The following MEDAG variants were observed in gnomAD, a reference collection of about 807,000 sequenced individuals.
MEDAG encodes the protein mesenteric estrogen-dependent adipogenesis protein.
In MEDAG, 25 loss-of-function variants were observed where a neutral mutation model predicts 29.9. That is an observed-to-expected ratio of 0.84 (90% CI 0.61 to 1.17). The LOEUF is 1.17. Among genes scored for constraint, MEDAG ranks in the 50% most tolerant of loss-of-function variants. MEDAG has a pLI of 0.00. For synonymous variants in MEDAG, 158 were observed against 148.2 expected, an observed-to-expected ratio of 1.07 and a Z score of -0.48; for missense variants, 398 against 372.9, an observed-to-expected ratio of 1.07 and a Z score of -0.56.
chr13:30,914,584 A>C (rs769574681), intron 1 of MEDAG, among the ~76,000 whole-genome samples: 2 of 152,226 alleles, frequency 1.3e-5, no homozygotes, highest in African/African-American at 2.4e-5. Context: ...GCTCATGTGT[A>C]GGTCATACAT....
At chr13:30,907,859 A>G (rs1249081427) in intron 1 of MEDAG, among the ~76,000 whole-genome samples, 1 of 152,184 alleles carries the variant, frequency 6.6e-6, no homozygotes, top group African/African-American at 2.4e-5. Context: ...AGTCTTCAAA[A>G]CTCTTGGAGA....
chr13:30,921,892 A>C, intron 4 of MEDAG, 46 bp downstream of exon 4: 1 of 1,529,414 alleles, frequency 6.5e-7, no homozygotes, highest in Admixed American at 2.2e-5. Flanking sequence ...GTTAAATAAA[A>C]GGGTAGAGTA....
chr13:30,917,568 G>A, intron 2 of MEDAG, 56 bp downstream of exon 2: 1 of 968,016 alleles, frequency 1.0e-6, no homozygotes, highest in South Asian at 1.4e-5. Flanking sequence ...CCTAAAACTG[G>A]GTAATTTATA....
At chr13:30,912,434 G>C (rs1952890349) in intron 1 of MEDAG, among the ~76,000 whole-genome samples, 1 of 151,892 alleles carries the variant, frequency 6.6e-6, no homozygotes, top group South Asian at 2.1e-4. Context: ...GCAGTTCCTG[G>C]GCCTCCTACA....
chr13:30,920,487 G>A (rs1289268144), intron 2 of MEDAG, among the ~76,000 whole-genome samples: 7 of 152,038 alleles, frequency 4.6e-5, no homozygotes, highest in Non-Finnish European at 1.5e-5. Flanking sequence ...AACTTTGAAG[G>A]CTGAGGCAGG....
intron 1 of MEDAG, among the ~76,000 whole-genome samples, chr13:30,909,302 G>A (rs548720703): frequency 2.0e-5 from 3 of 151,996 alleles, no homozygotes; most frequent in Non-Finnish European, 4.4e-5. Context: ...CAGGCAGTTG[G>A]TGGGGATGAC....
chr13:30,924,174 C>G (rs1953017440), intron 4 of MEDAG, 137 bp from the exon 5 acceptor site: 4 of 894,278 alleles, frequency 4.5e-6, no homozygotes, highest in African/African-American at 1.7e-5. Context: ...TCTGTTTAGC[C>G]TTTTGAATTT....
Position 30,923,287 on chromosome 13 carries a change from A to G in MEDAG, c.788-1024A>G, listed in dbSNP as rs546172634. On this transcript the variant is annotated intron_variant, in intron 4 of 4. Transcript: ENST00000380482. ...CTTGCTACTAGCTATTTCTTATCCT[A>G]GAAGTGGTCTCTTTCTCTTTTCCTC... Among the ~76,000 whole-genome samples the G allele has an allele frequency of 5.3e-5, 8 of 152,240 alleles. No individual in the cohort carries two copies. The East Asian group carries it at 1.4e-3, about 26-fold the overall frequency.
Position 30,924,490 on chromosome 13 carries a change from A to G in MEDAG, c.*55A>G. ...GCACTCCAGGCCTGTGCTAGACTAT[A>G]GGCTGGGGGGAGGGTAGGAGGTGGG... is the stretch of plus-strand genomic sequence containing the variant. On this transcript the variant is annotated 3_prime_UTR_variant, in exon 5 of 5. Transcript: ENST00000380482. 1 of 1,553,222 alleles carries G rather than the reference A, an allele frequency of 6.4e-7. No individual in the cohort carries two copies. Among genetic ancestry groups the G allele is most frequent in the South Asian group, 1.2e-5 (1 of 82,108 alleles).
intron 4 of MEDAG, among the ~76,000 whole-genome samples, chr13:30,923,842 A>T (rs1309789166): frequency 1.3e-4 from 20 of 152,188 alleles, no homozygotes; most frequent in Admixed American, 1.3e-3. Context: ...CTCTGGGGCC[A>T]CTTCAACTTC....
intron 2 of MEDAG, 76 bp downstream of exon 2, chr13:30,917,588 G>A (rs1163726671): frequency 2.4e-6 from 2 of 829,984 alleles, no homozygotes; most frequent in East Asian, 5.2e-5. Context: ...AAAGAAAAGA[G>A]GTTTAATTGG....
At chr13:30,919,370 T>C (rs1009071377) in intron 2 of MEDAG, among the ~76,000 whole-genome samples, 1 of 151,926 alleles carries the variant, frequency 6.6e-6, no homozygotes, top group African/African-American at 2.4e-5. Flanking sequence ...TGTCATAATA[T>C]AAAAATAATG....
intron 1 of MEDAG, among the ~76,000 whole-genome samples, chr13:30,912,352 G>T (rs61947579): frequency 0.04 from 6,059 of 152,264 alleles, 271 homozygotes; most frequent in African/African-American, 0.11. Context: ...GGGGCAGCCT[G>T]CTTCCCCCAA....
At chr13:30,921,495 TA>T in intron 3 of MEDAG, 65 bp from the exon 4 acceptor site, 1 of 1,432,314 alleles carries the variant, frequency 7.0e-7, no homozygotes, top group Non-Finnish European at 9.4e-7. Context: ...AGGCGGTTGT[TA>T]GTTCTACAAT....
At chr13:30,921,226 G>C in intron 3 of MEDAG, 100 bp downstream of exon 3, 1 of 979,610 alleles carries the variant, frequency 1.0e-6, no homozygotes, top group Non-Finnish European at 1.5e-6. Flanking sequence ...CTTAGGCCAA[G>C]AGAATGGCCC....
intron 4 of MEDAG, among the ~76,000 whole-genome samples, chr13:30,923,325 C>T (rs1953006797): frequency 6.6e-6 from 1 of 151,826 alleles, no homozygotes; most frequent in Admixed American, 6.6e-5. Context: ...TCCTTCCCTC[C>T]TTCCTCCTCT....
intron 1 of MEDAG, among the ~76,000 whole-genome samples, chr13:30,911,946 A>T (rs1292030837): frequency 1.3e-5 from 2 of 152,144 alleles, no homozygotes; most frequent in Non-Finnish European, 2.9e-5. Context: ...TACATTCATC[A>T]TTTCATACCA....
At chr13:30,915,604 T>TA (rs1333317813) in intron 1 of MEDAG, among the ~76,000 whole-genome samples, 163 of 151,744 alleles carry the variant, frequency 1.1e-3, no homozygotes, top group African/African-American at 3.3e-3. Context: ...TCAACTGGGA[T>TA]AAAAAAAAGG....
chr13:30,920,609 G>GA (rs1442529504), intron 2 of MEDAG, among the ~76,000 whole-genome samples: 5 of 151,564 alleles, frequency 3.3e-5, no homozygotes, highest in African/African-American at 4.8e-5. Flanking sequence ...AAAAGAAGAA[G>GA]AAAAAATCCA....
Sources: allele counts gnomAD v4.1 joint callset (sites outside exome capture counted in the v4.1 genomes callset), GRCh38; gene constraint gnomAD v4.1.1; transcripts MANE v1.5; gene names NCBI Gene and HGNC (gene_info 2026-07-23, HGNC 2026-07-21).